The following CALCRL variants were observed in gnomAD, a reference collection of about 807,000 sequenced individuals.
CALCRL encodes the protein calcitonin receptor like receptor.
CALCRL carries 27 observed loss-of-function variants against 60.4 expected under a neutral mutation model. The ratio of observed to expected loss-of-function variants is 0.45; its 90% CI spans 0.33 to 0.62. CALCRL has a LOEUF of 0.62. Ranked by LOEUF, CALCRL falls within the 20% of genes least tolerant of loss-of-function variation. The probability of loss-of-function intolerance (pLI) is 0.03; values close to 1 mark genes in which losing one functional copy is unlikely to be tolerated. For synonymous variants in CALCRL, 190 were observed against 182.6 expected (o/e 1.04, Z -0.33); for missense variants, 424 against 540.7 (o/e 0.78, Z 2.14).
At chr2:187,434,492 C>T (rs924315822) in intron 1 of CALCRL, among the ~76,000 whole-genome samples, 1 of 152,130 alleles carries the variant, frequency 6.6e-6, no homozygotes, top group African/African-American at 2.4e-5. Flanking sequence ...CAATAATACA[C>T]AGCATTAGAA....
intron 1 of CALCRL, among the ~76,000 whole-genome samples, chr2:187,399,068 C>T (rs1156758944): frequency 2.6e-5 from 4 of 151,420 alleles, no homozygotes; most frequent in Non-Finnish European, 5.9e-5. Flanking sequence ...GATTGAATGC[C>T]CTGAATATTC....
intron 1 of CALCRL, among the ~76,000 whole-genome samples, chr2:187,392,464 A>G (rs1391839734): frequency 1.3e-5 from 2 of 152,162 alleles, no homozygotes; most frequent in Non-Finnish European, 2.9e-5. Flanking sequence ...ATGGCATATT[A>G]AACAAGCTAC....
At chr2:187,389,416 A>G (rs955452832) in intron 1 of CALCRL, among the ~76,000 whole-genome samples, 4 of 152,236 alleles carry the variant, frequency 2.6e-5, no homozygotes, top group Middle Eastern at 3.4e-3. Context: ...CTTAGTATGA[A>G]TGAAGATAGA....
At chr2:187,376,526 C>T (rs1223651579) in intron 8 of CALCRL, among the ~76,000 whole-genome samples, 1 of 152,102 alleles carries the variant, frequency 6.6e-6, no homozygotes, top group African/African-American at 2.4e-5. Flanking sequence ...GAATACTCTA[C>T]ATTTGTTGGT....
intron 8 of CALCRL, among the ~76,000 whole-genome samples, chr2:187,374,228 A>G (rs531748673): frequency 6.6e-6 from 1 of 152,134 alleles, no homozygotes; most frequent in Admixed American, 6.6e-5. Flanking sequence ...AGACATACAG[A>G]AAGTATTTAA....
At chr2:187,404,168 G>T (rs1477037311) in intron 1 of CALCRL, among the ~76,000 whole-genome samples, 1 of 151,698 alleles carries the variant, frequency 6.6e-6, no homozygotes, top group Non-Finnish European at 1.5e-5. Context: ...AAAAAAAAAT[G>T]CCCCGTCATG....
chr2:187,396,378 T>C (rs1270754831), intron 1 of CALCRL, among the ~76,000 whole-genome samples: 1 of 151,822 alleles, frequency 6.6e-6, no homozygotes, highest in East Asian at 1.9e-4. Flanking sequence ...GAATGGAATC[T>C]GGTAAGTTCA....
chr2:187,371,697 C>A (rs991203376), intron 8 of CALCRL, among the ~76,000 whole-genome samples: 1 of 151,380 alleles, frequency 6.6e-6, no homozygotes, highest in East Asian at 2.0e-4. Context: ...GATCCCGCCA[C>A]TGCACTCCAG....
At chr2:187,351,702 G>A (rs565111254) in intron 14 of CALCRL, among the ~76,000 whole-genome samples, 1 of 151,802 alleles carries the variant, frequency 6.6e-6, no homozygotes, top group African/African-American at 2.4e-5. Flanking sequence ...TTTTAAGTGA[G>A]GTTGACTTTT....
At chr2:187,385,483 T>C (rs991570746) in intron 4 of CALCRL, 62 bp downstream of exon 4, 2 of 820,510 alleles carry the variant, frequency 2.4e-6, no homozygotes, top group Non-Finnish European at 4.0e-6. Flanking sequence ...TTAATATTCT[T>C]TATCAATTAT....
At chr2:187,351,870 G>T in intron 14 of CALCRL, 50 bp downstream of exon 14, 1 of 1,113,604 alleles carries the variant, frequency 9.0e-7, no homozygotes, top group African/African-American at 1.6e-5. Flanking sequence ...TGGATAGATA[G>T]ACAGATAGCA....
At chr2:187,363,268 A>G (rs1687137385) in intron 9 of CALCRL, 108 bp downstream of exon 9, 18 of 1,085,512 alleles carry the variant, frequency 1.7e-5, no homozygotes, top group Non-Finnish European at 2.3e-5. Context: ...GTCAGACTTG[A>G]AAATATACAT....
chr2:187,353,283 T>C (rs1448194415), intron 12 of CALCRL, among the ~76,000 whole-genome samples: 1 of 151,938 alleles, frequency 6.6e-6, no homozygotes, highest in Non-Finnish European at 1.5e-5. Context: ...AAGAGCTCCA[T>C]AGGGGCTAAT....
At chr2:187,413,438 A>G (rs551476808) in intron 1 of CALCRL, among the ~76,000 whole-genome samples, 32 of 152,242 alleles carry the variant, frequency 2.1e-4, no homozygotes, top group African/African-American at 7.7e-4. Flanking sequence ...TATAACTGTT[A>G]TATATTTTAC....
chr2:187,375,610 T>C (rs1687724199), intron 8 of CALCRL, among the ~76,000 whole-genome samples: 1 of 152,206 alleles, frequency 6.6e-6, no homozygotes, highest in Admixed American at 6.5e-5. Context: ...TAGTAATCTT[T>C]ATTTTAAAAA....
intron 1 of CALCRL, among the ~76,000 whole-genome samples, chr2:187,399,562 C>T (rs758722673): frequency 7.9e-5 from 12 of 151,366 alleles, no homozygotes; most frequent in Non-Finnish European, 1.5e-4. Context: ...AGAGACAGCA[C>T]ACAGAATGGG....
chr2:187,364,023 T>G (rs187160921), intron 8 of CALCRL, among the ~76,000 whole-genome samples: 1 of 152,202 alleles, frequency 6.6e-6, no homozygotes, highest in African/African-American at 2.4e-5. Flanking sequence ...TCAGAATAGA[T>G]GAATTGATAA....
intron 1 of CALCRL, among the ~76,000 whole-genome samples, chr2:187,447,380 T>C (rs1691239609): frequency 6.6e-6 from 1 of 151,956 alleles, no homozygotes. Flanking sequence ...GGTTTTTTTT[T>C]TTCTTTGTAG....
At chr2:187,423,779 C>G (rs939728422) in intron 1 of CALCRL, among the ~76,000 whole-genome samples, 4 of 151,924 alleles carry the variant, frequency 2.6e-5, no homozygotes, top group African/African-American at 4.8e-5. Flanking sequence ...TAAGATTACT[C>G]CATGCAATAG....
Sources: gnomAD v4.1 joint callset for allele counts (sites outside exome capture counted in the v4.1 genomes callset) on GRCh38, gnomAD v4.1.1 for gene constraint, MANE v1.5 for transcripts, NCBI Gene and HGNC (gene_info 2026-07-23, HGNC 2026-07-21) for gene names.